PARM1: variants seen among roughly 807,000 people sequenced by gnomAD.
The protein encoded by PARM1 is prostate androgen-regulated mucin-like protein 1, also known as WSC4, cell wall integrity and stress response component 4 homolog.
A neutral mutation model predicts 24.6 loss-of-function variants in PARM1; 14 were observed. That is an observed-to-expected ratio of 0.57 (90% CI 0.38 to 0.89). The LOEUF is 0.89. Among genes scored for constraint, PARM1 ranks in the 40% least tolerant of loss-of-function variants. The pLI is 0.00. For missense variants in PARM1, 362 were observed against 380.4 expected (o/e 0.95, Z 0.40); for synonymous variants, 179 against 156.6 (o/e 1.14, Z -1.07).
chr4:75,027,358 G>A (rs1301417865), intron 2 of PARM1, among the ~76,000 whole-genome samples: 3 of 152,082 alleles, frequency 2.0e-5, no homozygotes, highest in Non-Finnish European at 4.4e-5. Flanking sequence ...TGGATTTGGG[G>A]TAAGAGGGAG....
chr4:74,934,996 C>CTTTTTTTTTTTTTTTTTTT (rs11392364), intron 1 of PARM1, among the ~76,000 whole-genome samples: 1 of 116,556 alleles, frequency 8.6e-6, no homozygotes, highest in Non-Finnish European at 1.7e-5. Flanking sequence ...GCTCTTTTTT[C>CTTTTTTTTTTTTTTTTTTT]TTTTTTTTTT....
intron 2 of PARM1, among the ~76,000 whole-genome samples, chr4:75,013,922 G>A (rs147545589): frequency 1.2e-3 from 179 of 152,330 alleles, no homozygotes; most frequent in Admixed American, 1.9e-3. Flanking sequence ...TGTGAAGACT[G>A]TACAATTTAG....
In PARM1 at chr4:75,013,050, A is replaced by T; in HGVS notation, c.669A>T (p.Thr223=). ...TACCCCAGGAGAAAACACCCCCAAC[A>T]ACTGTGTCAGGCAAAGTGATGTGTG... The part of the protein sequence containing the change: ...EPVPQEKTPP[T]TVSGKVMCEL... The change falls in exon 2 of 4, where the codon ACA becomes ACT. Residue 223 remains threonine (T), a synonymous_variant. Transcript: ENST00000307428. The T allele has an allele frequency of 6.2e-7, 1 of 1,613,914 alleles. No homozygotes were observed. Among genetic ancestry groups the T allele is most frequent in the South Asian group, 1.1e-5 (1 of 91,076 alleles).
chr4:74,941,480 A>C (rs190639124), intron 1 of PARM1, among the ~76,000 whole-genome samples: 1 of 152,298 alleles, frequency 6.6e-6, no homozygotes, highest in Admixed American at 6.5e-5. Flanking sequence ...GAGCAGGAGG[A>C]GGATTAAAAT....
rs773650369 is a variant in PARM1, at chr4:75,012,596, C to T, written c.215C>T (p.Ala72Val). 1.5e-5 allele frequency: 24 copies of T among 1,613,958 alleles called. No homozygotes were observed. The East Asian group carries it at 5.3e-4, about 36-fold the overall frequency. ...TCGGTGCTCCCAGTTACAGCATCAG[C>T]CCCAACATCTCTGCTTCCTAAGAAC... ...NNSVLPVTAS[A>V]PTSLLPKNIS... Residue 72 changes from alanine to valine, a missense_variant, in exon 2 of 4, where the codon GCC (alanine) becomes GTC (valine). Transcript: ENST00000307428.
At chr4:74,977,389 A>G (rs1465581738) in intron 1 of PARM1, among the ~76,000 whole-genome samples, 1 of 152,170 alleles carries the variant, frequency 6.6e-6, no homozygotes, top group Non-Finnish European at 1.5e-5. Flanking sequence ...CTGAAACAAG[A>G]CAGGCAGACA....
intron 2 of PARM1, among the ~76,000 whole-genome samples, chr4:75,014,652 C>T (rs1040839023): frequency 2.6e-5 from 4 of 152,150 alleles, no homozygotes; most frequent in Non-Finnish European, 5.9e-5. Context: ...AAGCCAAGAA[C>T]AAGGGGACCC....
At chr4:74,985,412 G>C (rs1262540463) in intron 1 of PARM1, among the ~76,000 whole-genome samples, 10 of 152,158 alleles carry the variant, frequency 6.6e-5, no homozygotes, top group African/African-American at 2.4e-4. Flanking sequence ...AGATGCTGGG[G>C]CCCATGGAAG....
intron 3 of PARM1, among the ~76,000 whole-genome samples, chr4:75,042,759 A>G (rs1384674970): frequency 1.3e-5 from 2 of 152,072 alleles, no homozygotes; most frequent in Non-Finnish European, 2.9e-5. Context: ...TCTTACTACA[A>G]TAGTATCCAA....
At chr4:74,935,731 A>T (rs576858400) in intron 1 of PARM1, among the ~76,000 whole-genome samples, 2 of 152,358 alleles carry the variant, frequency 1.3e-5, no homozygotes, top group South Asian at 4.1e-4. Context: ...CTCTCAAAGT[A>T]TACATAGTAT....
At chr4:75,045,172 ACAGT>A (rs1402566395) in intron 3 of PARM1, among the ~76,000 whole-genome samples, 3 of 152,198 alleles carry the variant, frequency 2.0e-5, no homozygotes, top group East Asian at 1.9e-4. Flanking sequence ...AGCCAAGGAA[ACAGT>A]CAGTGCAAAG....
chr4:75,007,810 G>A (rs1050779166), intron 1 of PARM1, among the ~76,000 whole-genome samples: 7 of 152,096 alleles, frequency 4.6e-5, no homozygotes, highest in African/African-American at 1.7e-4. Flanking sequence ...TTATAAGAAG[G>A]GACATTAAAG....
At chr4:74,988,643 T>C (rs1267998292) in intron 1 of PARM1, among the ~76,000 whole-genome samples, 1 of 152,196 alleles carries the variant, frequency 6.6e-6, no homozygotes, top group African/African-American at 2.4e-5. Flanking sequence ...AGAGAGTCAT[T>C]CACTCATTAA....
At chr4:75,002,588 T>A (rs969521725) in intron 1 of PARM1, among the ~76,000 whole-genome samples, 1 of 152,204 alleles carries the variant, frequency 6.6e-6, no homozygotes, top group African/African-American at 2.4e-5. Flanking sequence ...AATCACCACC[T>A]TGGCTCTACA....
intron 1 of PARM1, among the ~76,000 whole-genome samples, chr4:74,993,203 A>G (rs939349538): frequency 7.9e-5 from 12 of 152,074 alleles, no homozygotes; most frequent in Admixed American, 5.9e-4. Flanking sequence ...GCAATCTACC[A>G]TTTTGTGTAC....
chr4:75,015,549 AC>A (rs1180460456), intron 2 of PARM1, among the ~76,000 whole-genome samples: 1 of 152,220 alleles, frequency 6.6e-6, no homozygotes, highest in Non-Finnish European at 1.5e-5. Context: ...CTTCATGAAA[AC>A]AAGTATGAGA....
intron 1 of PARM1, among the ~76,000 whole-genome samples, chr4:74,963,866 A>T (rs987738677): frequency 1.3e-5 from 2 of 151,470 alleles, no homozygotes; most frequent in African/African-American, 4.9e-5. Flanking sequence ...AAAAATAAAA[A>T]TAAAAATGGG....
intron 3 of PARM1, among the ~76,000 whole-genome samples, chr4:75,039,738 AAC>A (rs904179505): frequency 6.6e-6 from 1 of 152,002 alleles, no homozygotes; most frequent in African/African-American, 2.4e-5. Context: ...TAACACTCCA[AAC>A]ACACTCTCTG....
chr4:74,933,296 G>GC lies in PARM1; in HGVS notation c.-28dup, dbSNP rs1721105105. 1 of 1,603,000 alleles carries GC rather than the reference G, an allele frequency of 6.2e-7. No homozygotes were observed. The highest frequency in any genetic ancestry group is 1.3e-5 in the African/African-American group (1 of 74,410). On this transcript the variant is annotated 5_prime_UTR_variant, in exon 1 of 4. Coordinates refer to ENST00000307428, the MANE Select transcript of PARM1 (RefSeq NM_015393.4). ...TCAGTCCGCAAACTCCTTGCCGCCC[G>GC]CCCCGGGCTGGGCACCAAATACCAG...
Sources: allele counts gnomAD v4.1 joint callset (sites outside exome capture counted in the v4.1 genomes callset), GRCh38; gene constraint gnomAD v4.1.1; transcripts MANE v1.5; gene names NCBI Gene and HGNC (gene_info 2026-07-23, HGNC 2026-07-21).